The following GRAMD4 variants were observed in gnomAD, a reference collection of about 807,000 sequenced individuals.
GRAMD4 encodes the protein GRAM domain-containing protein 4.
In GRAMD4, 25 loss-of-function variants were observed where a neutral mutation model predicts 83.9. The observed-to-expected ratio is 0.30, with a 90% CI of 0.22 to 0.42. The LOEUF is 0.42. Ranked by LOEUF, GRAMD4 falls within the 10% of genes least tolerant of loss-of-function variation. The pLI is 1.00. For missense variants in GRAMD4, 593 were observed against 788.7 expected, an observed-to-expected ratio of 0.75 and a Z score of 2.97; for synonymous variants, 336 against 320.9, an observed-to-expected ratio of 1.05 and a Z score of -0.50.
intron 3 of GRAMD4, among the ~76,000 whole-genome samples, chr22:46,651,067 G>A (rs1049752755): frequency 1.3e-5 from 2 of 152,202 alleles, no homozygotes; most frequent in Non-Finnish European, 2.9e-5. Context: ...TGTGTGCCAC[G>A]TACCCGGGCC....
intron 2 of GRAMD4, among the ~76,000 whole-genome samples, chr22:46,634,327 A>G (rs946283014): frequency 6.6e-6 from 1 of 152,186 alleles, no homozygotes; most frequent in Non-Finnish European, 1.5e-5. Flanking sequence ...ACTCAAATGC[A>G]AGGAAAATGG....
At position 46,622,861 on chromosome 22, in the gene GRAMD4, G is replaced by A. The variant is rs991557192; in HGVS notation, c.-50+2296G>A. Among the ~76,000 whole-genome samples the A allele has an allele frequency of 6.7e-5, 10 of 148,430 alleles. No homozygotes were observed. Among genetic ancestry groups the A allele is most frequent in the African/African-American group, 1.7e-4 (7 of 40,000 alleles). On this transcript the variant is annotated intron_variant, in intron 1 of 18. Coordinates refer to ENST00000406902, the MANE Select transcript of GRAMD4 (RefSeq NM_015124.5). This position sits in a 1 kb window ranked among gnomAD's most constrained non-coding sequence, Gnocchi z 4.0. ...CAGGAGGCGGATCTTGCAGTGAGCC[G>A]AGATCACGCCACTGCACTCCAGCCT...
At chr22:46,655,016 G>A (rs192578873) in intron 3 of GRAMD4, among the ~76,000 whole-genome samples, 1 of 152,314 alleles carries the variant, frequency 6.6e-6, no homozygotes, top group South Asian at 2.1e-4. Context: ...TACGCCAGAT[G>A]GGGGGGCTGT....
At chr22:46,666,945 C>T (rs1376851276) in intron 10 of GRAMD4, 72 bp downstream of exon 10, 12 of 1,125,418 alleles carry the variant, frequency 1.1e-5, no homozygotes, top group East Asian at 8.2e-5. Context: ...CTGTAGGCAC[C>T]GCTCGGGGAA....
intron 3 of GRAMD4, among the ~76,000 whole-genome samples, chr22:46,652,014 T>C (rs2082173589): frequency 6.6e-6 from 1 of 152,144 alleles, no homozygotes. Flanking sequence ...CCAGCCTGCC[T>C]AGGCACTTGG....
At position 46,679,152 on chromosome 22, in the gene GRAMD4, G is replaced by A. The variant is rs2082640911; in HGVS notation, c.*1901G>A. ...GACAATGGCCACACCTCTCTCCCCA[G>A]GGCCCGGCAGTGCCCAAGGATGGGT... On this transcript the variant is annotated 3_prime_UTR_variant, in exon 19 of 19. Coordinates refer to ENST00000406902, the MANE Select transcript of GRAMD4 (RefSeq NM_015124.5). The A allele has an allele frequency of 1.2e-5, 12 of 985,396 alleles. No individual in the cohort carries two copies. Among genetic ancestry groups the A allele is most frequent in the Non-Finnish European group, 1.4e-5 (12 of 829,998 alleles). 61.0% of individuals were successfully genotyped at this position (985,396 alleles called of 1,614,324 possible).
chr22:46,614,933 GTA>G (rs1432728535), intron 1 of GRAMD4, among the ~76,000 whole-genome samples: 2 of 149,212 alleles, frequency 1.3e-5, no homozygotes, highest in Non-Finnish European at 1.5e-5. Flanking sequence ...TCCCCCGTGT[GTA>G]GGTTCCCCTG....
intron 2 of GRAMD4, among the ~76,000 whole-genome samples, chr22:46,629,599 T>C (rs1357733784): frequency 6.6e-6 from 1 of 152,148 alleles, no homozygotes; most frequent in African/African-American, 2.4e-5. Context: ...TCCTGAGACC[T>C]GGGCTCAGGC....
At chr22:46,606,963 T>G (rs1464969793) in intron 1 of GRAMD4, among the ~76,000 whole-genome samples, 4 of 152,164 alleles carry the variant, frequency 2.6e-5, no homozygotes, top group African/African-American at 9.7e-5. Flanking sequence ...CCTGGCCCCC[T>G]GTATGGCTAT....
chr22:46,648,348 G>GGGT (rs1601629938), intron 3 of GRAMD4, among the ~76,000 whole-genome samples: 1 of 151,500 alleles, frequency 6.6e-6, no homozygotes, highest in East Asian at 1.9e-4. Flanking sequence ...ATGGATGGAT[G>GGGT]GATGGATGGA....
At chr22:46,664,184 C>A in intron 8 of GRAMD4, 67 bp downstream of exon 8, 1 of 1,128,258 alleles carries the variant, frequency 8.9e-7, no homozygotes, top group Non-Finnish European at 1.4e-6. Flanking sequence ...ACCACATGAT[C>A]AGGCACCTTC....
rs755133857 is a variant in GRAMD4 at position 46,661,464 on chromosome 22, G to A, written c.466+22G>A. ...GCAGGTACACCCTGGTGGGCGGGTGGACAGGCAGGCGGGCGGGTGGGTGGC... is the reference window on the plus strand; with the variant it reads ...GCAGGTACACCCTGGTGGGCGGGTGAACAGGCAGGCGGGCGGGTGGGTGGC... On this transcript the variant is annotated intron_variant, in intron 5 of 18. Coordinates refer to ENST00000406902, the MANE Select transcript of GRAMD4 (RefSeq NM_015124.5). 1.9e-6 allele frequency: 3 copies of A among 1,545,414 alleles called. No homozygotes were observed. In the Admixed American group the frequency reaches 5.0e-5, roughly 26 times the overall value.
intron 2 of GRAMD4, among the ~76,000 whole-genome samples, chr22:46,633,826 G>A (rs796542542): frequency 1.3e-5 from 2 of 152,148 alleles, no homozygotes; most frequent in African/African-American, 2.4e-5. Context: ...GGTCCCGGCC[G>A]TACAGGGGGT....
At chr22:46,662,930 C>A in intron 5 of GRAMD4, 110 bp from the exon 6 acceptor site, 1 of 997,486 alleles carries the variant, frequency 1.0e-6, no homozygotes, top group Non-Finnish European at 1.5e-6. Flanking sequence ...TGTGCCTCTG[C>A]TGGCCGCGCC....
At chr22:46,597,998 T>C (rs2081278705) in intron 1 of GRAMD4, among the ~76,000 whole-genome samples, 1 of 151,914 alleles carries the variant, frequency 6.6e-6, no homozygotes, top group South Asian at 2.1e-4. Context: ...TGTTTTGTTT[T>C]TGAGACAGAG....
intron 17 of GRAMD4, among the ~76,000 whole-genome samples, chr22:46,676,258 C>T (rs1450786411): frequency 3.3e-5 from 5 of 152,192 alleles, no homozygotes; most frequent in South Asian, 2.1e-4. Flanking sequence ...TTGGGATTGG[C>T]GGTGCTGACA....
chr22:46,634,538 C>T (rs1034414066), intron 2 of GRAMD4, among the ~76,000 whole-genome samples: 1 of 152,208 alleles, frequency 6.6e-6, no homozygotes, highest in Non-Finnish European at 1.5e-5. Flanking sequence ...CAGCCTGGTC[C>T]TTGGTCCACA....
intron 1 of GRAMD4, among the ~76,000 whole-genome samples, chr22:46,607,756 T>G (rs2081379675): frequency 6.6e-6 from 1 of 152,188 alleles, no homozygotes; most frequent in South Asian, 2.1e-4. Context: ...TGGGACCGAG[T>G]GCCCTACCAC....
chr22:46,661,073 T>C (rs1487612063), intron 4 of GRAMD4, among the ~76,000 whole-genome samples: 1 of 152,134 alleles, frequency 6.6e-6, no homozygotes, highest in East Asian at 1.9e-4. Flanking sequence ...GACGGGTTGG[T>C]GATATGAGAG....
Sources: gnomAD v4.1 joint callset for allele counts (sites outside exome capture counted in the v4.1 genomes callset) on GRCh38, gnomAD v4.1.1 for gene constraint, Gnocchi (gnomAD v3.1) non-coding constraint, MANE v1.5 for transcripts, NCBI Gene and HGNC (gene_info 2026-07-23, HGNC 2026-07-21) for gene names.